PIK3R4: variants seen among roughly 807,000 people sequenced by gnomAD.
PIK3R4 encodes phosphoinositide 3-kinase regulatory subunit 4.
A neutral mutation model predicts 136.5 loss-of-function variants in PIK3R4; 46 were observed. The observed-to-expected ratio is 0.34, with a 90% CI of 0.27 to 0.43. The LOEUF (loss-of-function observed/expected upper bound fraction) is 0.43. PIK3R4 is among the 20% of genes least tolerant of loss of function. The pLI is 1.00. For missense variants in PIK3R4, 1,331 were observed against 1,649.5 expected, an observed-to-expected ratio of 0.81 and a Z score of 3.35; for synonymous variants, 557 against 566.7, an observed-to-expected ratio of 0.98 and a Z score of 0.24.
intron 15 of PIK3R4, 148 bp from the exon 16 acceptor site, chr3:130,684,529 C>T (rs1280797784): frequency 3.1e-6 from 2 of 652,986 alleles, no homozygotes; most frequent in Non-Finnish European, 5.2e-6. Context: ...TCTCATGAAG[C>T]TGTCTCACCA....
chr3:130,693,611 T>A (rs893927937), intron 13 of PIK3R4, among the ~76,000 whole-genome samples: 10 of 152,208 alleles, frequency 6.6e-5, no homozygotes, highest in Admixed American at 1.3e-4. Context: ...ATCATTTGCT[T>A]TTTAATTGGG....
rs2066746565 is a variant in PIK3R4, at chr3:130,728,698, A to AC, written c.1586-15_1586-14insG. The stretch of plus-strand genomic sequence containing the variant: ...AGGCTTGGAGCTCTAAAAAAAAAAA[A>AC]AAAAGAAAGAAAGAAAGAAAGAAAA... On this transcript the variant is annotated splice_polypyrimidine_tract_variant and intron_variant, in intron 5 of 19. Transcript: ENST00000356763. The AC allele has an allele frequency of 1.4e-6, 2 of 1,480,260 alleles. No individual in the cohort carries two copies. Among genetic ancestry groups the AC allele is most frequent in the Middle Eastern group, 1.9e-4 (1 of 5,372 alleles). The allele number at this position is 1,480,260 out of a possible 1,614,324, so 91.7% of individuals were successfully genotyped here. A position where few individuals can be genotyped will look rare whatever the true frequency, so the allele number is the denominator to read the frequency against.
At chr3:130,713,407 G>A (rs1001601510) in intron 9 of PIK3R4, among the ~76,000 whole-genome samples, 5 of 152,174 alleles carry the variant, frequency 3.3e-5, no homozygotes, top group Non-Finnish European at 7.4e-5. Flanking sequence ...AGAGGAATAC[G>A]GGTCAGGGAG....
intron 11 of PIK3R4, 96 bp from the exon 12 acceptor site, chr3:130,705,867 CT>C (rs1385070484): frequency 2.9e-5 from 19 of 652,872 alleles, no homozygotes; most frequent in South Asian, 1.1e-4. Flanking sequence ...ATTATAACAG[CT>C]TTTTGTCCTC....
intron 2 of PIK3R4, among the ~76,000 whole-genome samples, chr3:130,741,721 T>G (rs1473245535): frequency 6.6e-6 from 1 of 152,164 alleles, no homozygotes; most frequent in Non-Finnish European, 1.5e-5. Flanking sequence ...ATTTACTTGT[T>G]TATTCTATCT....
chr3:130,703,304 C>T (rs549422909), intron 13 of PIK3R4, among the ~76,000 whole-genome samples: 9 of 152,172 alleles, frequency 5.9e-5, no homozygotes, highest in Non-Finnish European at 1.3e-4. Context: ...ATGTTTCTTC[C>T]TCAGGGCCTT....
Position 130,679,860 on chromosome 3 carries a change from A to G in PIK3R4, c.3907-375T>C, listed in dbSNP as rs112665641. 1.9e-3 allele frequency among the ~76,000 whole-genome samples: 287 copies of G among 152,144 alleles called. 2 individuals are homozygous for G. Among genetic ancestry groups the G allele is most frequent in the African/African-American group, 6.6e-3 (275 of 41,516 alleles). ...TGGGAGGCCAAGGCGGGTGGATCAC[A>G]AGGTCAGGAGATCAAGACCATCCTG... On this transcript the variant is annotated intron_variant, in intron 19 of 19. Coordinates refer to ENST00000356763, the MANE Select transcript of PIK3R4 (RefSeq NM_014602.3).
At chr3:130,714,496 A>C (rs2066651398) in intron 9 of PIK3R4, among the ~76,000 whole-genome samples, 1 of 152,120 alleles carries the variant, frequency 6.6e-6, no homozygotes. Context: ...TTTTCTTTAA[A>C]AAGCAAAACA....
intron 9 of PIK3R4, among the ~76,000 whole-genome samples, chr3:130,711,240 CACAG>C (rs1274241228): frequency 2.6e-5 from 4 of 152,100 alleles, no homozygotes; most frequent in South Asian, 4.2e-4. Context: ...CGCACACACA[CACAG>C]ACACACACTT....
chr3:130,731,936 G>A (rs1037177305), intron 4 of PIK3R4, among the ~76,000 whole-genome samples: 2 of 152,324 alleles, frequency 1.3e-5, no homozygotes, highest in Middle Eastern at 3.4e-3. Flanking sequence ...GCTGCAGTGA[G>A]CCATGATCTC....
At position 130,730,288 on chromosome 3, in the gene PIK3R4, G is replaced by A. The variant is rs370880471; in HGVS notation, c.1585+20C>T. The stretch of plus-strand genomic sequence containing the variant: ...ATTCATTCTAAATAACAGGAAATCT[G>A]GAAGAGAAAATTATACAACCTGTGT... On this transcript the variant is annotated intron_variant, in intron 5 of 19. Transcript: ENST00000356763. The A allele has an allele frequency of 1.2e-5, 19 of 1,569,928 alleles. No individual in the cohort carries two copies. The highest frequency in any genetic ancestry group is 1.9e-5 in the Admixed American group (1 of 51,812).
intron 2 of PIK3R4, among the ~76,000 whole-genome samples, chr3:130,743,255 TA>T (rs200120779): frequency 0.011 from 1,545 of 140,784 alleles, 17 homozygotes; most frequent in East Asian, 0.054. Flanking sequence ...CCAAAAATGT[TA>T]AAAAAAAAAA....
chr3:130,685,743 C>A (rs1258840988), intron 15 of PIK3R4, among the ~76,000 whole-genome samples: 2 of 152,140 alleles, frequency 1.3e-5, no homozygotes. Flanking sequence ...GTGACAGATC[C>A]TTTTACTTCA....
chr3:130,722,602 T>C (rs1008460265), intron 7 of PIK3R4, among the ~76,000 whole-genome samples: 1 of 152,158 alleles, frequency 6.6e-6, no homozygotes, highest in Non-Finnish European at 1.5e-5. Flanking sequence ...GAAATTATAA[T>C]AGAATAAACA....
intron 15 of PIK3R4, among the ~76,000 whole-genome samples, chr3:130,685,362 CACACT>C (rs1190419066): frequency 3.3e-5 from 5 of 152,280 alleles, no homozygotes; most frequent in Non-Finnish European, 1.5e-5. Flanking sequence ...CAAAACATCA[CACACT>C]GTACCCAATA....
intron 11 of PIK3R4, among the ~76,000 whole-genome samples, chr3:130,706,125 G>C (rs986686892): frequency 6.6e-6 from 1 of 152,294 alleles, no homozygotes; most frequent in Non-Finnish European, 1.5e-5. Context: ...AGATATGACT[G>C]ACTAGGAAAG....
At chr3:130,740,897 G>C (rs1210689873) in intron 2 of PIK3R4, among the ~76,000 whole-genome samples, 2 of 152,114 alleles carry the variant, frequency 1.3e-5, no homozygotes, top group South Asian at 4.1e-4. Context: ...AACAATAGGT[G>C]AATCTGGGTA....
intron 11 of PIK3R4, 101 bp from the exon 12 acceptor site, chr3:130,705,872 T>C: frequency 1.6e-6 from 1 of 642,708 alleles, no homozygotes; most frequent in Non-Finnish European, 2.6e-6. Context: ...AACAGCTTTT[T>C]GTCCTCATTA....
chr3:130,680,060 CAAAAAAAAAAAA>C lies in PIK3R4; in HGVS notation c.3906+541_3906+552del, dbSNP rs1163413860. Among the ~76,000 whole-genome samples, 9 of 65,588 alleles carry C rather than the reference CAAAAAAAAAAAA, an allele frequency of 1.4e-4. 1 individual carries two copies. In the East Asian group the frequency reaches 2.8e-3, roughly 20 times the overall value. The allele number at this position is 65,588 out of a possible 152,430, so 43.0% of individuals were successfully genotyped here. A position where few individuals can be genotyped will look rare whatever the true frequency, so the allele number is the denominator to read the frequency against. On this transcript the variant is annotated intron_variant, in intron 19 of 19. Transcript: ENST00000356763. Reference sequence around the variant, plus strand: ...ACTGCACTCCAGCAAGACTCCATCTCAAAAAAAAAAAAAAAAAAAAAGAGGTATAAATGACCA... The same window carrying C: ...ACTGCACTCCAGCAAGACTCCATCTCAAAAAAAAAGAGGTATAAATGACCA...
Sources: allele counts gnomAD v4.1 joint callset (sites outside exome capture counted in the v4.1 genomes callset), GRCh38; gene constraint gnomAD v4.1.1; transcripts MANE v1.5; gene names NCBI Gene and HGNC (gene_info 2026-07-23, HGNC 2026-07-21).